The following DST variants were observed in gnomAD, a reference collection of about 807,000 sequenced individuals.
DST encodes bullous pemphigoid antigen.
DST carries 253 observed loss-of-function variants against 875.2 expected under a neutral mutation model. The ratio of observed to expected loss-of-function variants is 0.29; its 90% confidence interval spans 0.26 to 0.32. DST has a LOEUF of 0.32. DST is among the 10% of genes least tolerant of loss of function. The pLI, the probability that DST is intolerant of heterozygous loss-of-function variation, is 1.00. For missense variants in DST, 8,287 were observed against 9,111.6 expected (o/e 0.91, Z 3.68); for synonymous variants, 3,124 against 3,197.1 (o/e 0.98, Z 0.77).
Position 56,625,224 on chromosome 6 carries a change from T to C in DST, c.4763A>G (p.Asp1588Gly). 6.2e-7 allele frequency: 1 copy of C among 1,613,538 alleles called. No homozygotes were observed. The highest frequency in any genetic ancestry group is 8.5e-7 in the Non-Finnish European group (1 of 1,179,538). The change falls in exon 35 of 104, where the codon GAT becomes GGT. Residue 1588 changes from aspartate (D) to glycine (G), a missense_variant. Physicochemically the swap from Asp to Gly is moderately conservative, Grantham distance 94 (BLOSUM62 -1). This residue lies in a region of DST where 3,138 missense variants were observed against 3,116.6 expected (regional missense o/e 1.01). Transcript: ENST00000680361. ...LQTMTYRAMV[D>G]SQQKSPVKRR... ...TTTCACTGGAGATTTTTGTTGTGAATCTACCATGGCCCGGTAGGTCATTGT... is the reference window on the plus strand; with the variant it reads ...TTTCACTGGAGATTTTTGTTGTGAACCTACCATGGCCCGGTAGGTCATTGT...
In DST at chr6:56,925,919, G is replaced by A. The variant is rs185171476; in HGVS notation, c.217-25298C>T. Among the ~76,000 whole-genome samples the A allele has an allele frequency of 4.2e-3, 634 of 152,120 alleles. 3 individuals carry two copies. Among genetic ancestry groups the A allele is most frequent in the African/African-American group, 0.014 (580 of 41,502 alleles). On this transcript the variant is annotated intron_variant, in intron 2 of 103. Coordinates refer to ENST00000680361, the MANE Select transcript of DST (RefSeq NM_001374736.1). ...CAGGAAAAATAAACCAAAATTTCCCGATCCAAAAGCTAAATTACTATAAAG... is the reference window on the plus strand; with the variant it reads ...CAGGAAAAATAAACCAAAATTTCCCAATCCAAAAGCTAAATTACTATAAAG...
intron 3 of DST, among the ~76,000 whole-genome samples, chr6:56,879,538 T>C (rs1781100868): frequency 6.6e-6 from 1 of 152,218 alleles, no homozygotes. Context: ...TAATTATAGT[T>C]ATTATCTATT....
intron 3 of DST, among the ~76,000 whole-genome samples, chr6:56,872,352 A>T (rs895246682): frequency 3.3e-5 from 5 of 152,202 alleles, no homozygotes; most frequent in Non-Finnish European, 7.3e-5. Context: ...AAGTAACTAA[A>T]ATTTTAAAAT....
In DST at chr6:56,584,600, A is replaced by G. The variant is rs961096709; in HGVS notation, c.12904-5663T>C. 4.6e-5 allele frequency among the ~76,000 whole-genome samples: 7 copies of G among 151,268 alleles called. 1 individual carries two copies. The highest frequency in any genetic ancestry group is 1.9e-4 in the East Asian group (1 of 5,174). ...TACCCTTTATTTCCTTCTCCTGCCT[A>G]ATTGCCCTGGCCAGAACTTCCAACA... On this transcript the variant is annotated intron_variant, in intron 49 of 103. Transcript: ENST00000680361.
At chr6:56,667,364 T>C (rs999582571) in intron 10 of DST, among the ~76,000 whole-genome samples, 2 of 152,366 alleles carry the variant, frequency 1.3e-5, no homozygotes, top group East Asian at 1.9e-4. Flanking sequence ...CTCTCTTCAT[T>C]TAATTTTTTC....
At chr6:56,689,242 G>C (rs1053767387) in intron 9 of DST, among the ~76,000 whole-genome samples, 3 of 152,066 alleles carry the variant, frequency 2.0e-5, no homozygotes, top group African/African-American at 7.2e-5. Context: ...ATCTAGTACA[G>C]TATCCTCCTT....
At chr6:56,709,648 T>C (rs1204186847) in intron 5 of DST, among the ~76,000 whole-genome samples, 1 of 152,244 alleles carries the variant, frequency 6.6e-6, no homozygotes, top group African/African-American at 2.4e-5. Flanking sequence ...TTATTGAGCA[T>C]TCATCCGTCA....
intron 2 of DST, among the ~76,000 whole-genome samples, chr6:56,934,752 C>T (rs1417761376): frequency 6.6e-6 from 1 of 150,468 alleles, no homozygotes; most frequent in African/African-American, 2.4e-5. Flanking sequence ...TCTAGGCTGA[C>T]CCTTCCAATA....
chr6:56,645,966 G>A lies in DST; in HGVS notation c.1678C>T (p.Leu560Phe). Residue 560 changes from leucine to phenylalanine, a missense_variant, in exon 15 of 104, where the codon CTC becomes TTC. Transcript: ENST00000680361. ...EIWIEFGRIK[L>F]LQGYHPNDIE... ...TCATTTGGATGATAACCTTGAAGGA[G>A]CTTGATGCGTCCAAATTCTATCCAA... 6.2e-7 allele frequency: 1 copy of A among 1,613,308 alleles called. No homozygotes were observed. The highest frequency in any genetic ancestry group is 8.5e-7 in the Non-Finnish European group (1 of 1,179,664).
intron 4 of DST, among the ~76,000 whole-genome samples, chr6:56,797,630 C>T (rs1450896692): frequency 6.6e-6 from 1 of 151,974 alleles, no homozygotes; most frequent in East Asian, 1.9e-4. Flanking sequence ...GGTCAGGAGG[C>T]CAACATGGCA....
At chr6:56,638,496 C>A (rs1230317918) in intron 22 of DST, among the ~76,000 whole-genome samples, 1 of 152,124 alleles carries the variant, frequency 6.6e-6, no homozygotes, top group East Asian at 1.9e-4. Flanking sequence ...AGCATGACAA[C>A]TTTCAGGACC....
At chr6:56,496,313 T>C (rs1277962291) in intron 82 of DST, among the ~76,000 whole-genome samples, 2 of 152,164 alleles carry the variant, frequency 1.3e-5, no homozygotes, top group African/African-American at 2.4e-5. Context: ...TTTCCTCATC[T>C]TTCTTAGGAG....
intron 50 of DST, among the ~76,000 whole-genome samples, chr6:56,577,808 A>G (rs1397110245): frequency 6.6e-6 from 1 of 152,224 alleles, no homozygotes; most frequent in Non-Finnish European, 1.5e-5. Flanking sequence ...CATATGTAAG[A>G]TAGTAAAAAA....
intron 89 of DST, 45 bp from the exon 90 acceptor site, chr6:56,482,223 A>G (rs1332355371): frequency 6.3e-7 from 1 of 1,585,294 alleles, no homozygotes; most frequent in Non-Finnish European, 8.6e-7. Flanking sequence ...ATTCCCAAAT[A>G]TGCCTGTTAG....
intron 85 of DST, among the ~76,000 whole-genome samples, chr6:56,491,473 T>C (rs779779744): frequency 5.9e-5 from 9 of 152,264 alleles, no homozygotes; most frequent in Admixed American, 1.3e-4. Flanking sequence ...CTCTCTTCCA[T>C]GGAGTACAAA....
At chr6:56,813,759 G>T (rs1471824951) in intron 4 of DST, among the ~76,000 whole-genome samples, 3 of 152,118 alleles carry the variant, frequency 2.0e-5, no homozygotes, top group African/African-American at 7.2e-5. Context: ...TGGTGTTTTT[G>T]TGGTTGCTCC....
In DST at chr6:56,832,393, C is replaced by T. The variant is rs567786265; in HGVS notation, c.625+19004G>A. Among the ~76,000 whole-genome samples the T allele has an allele frequency of 2.6e-5, 4 of 152,176 alleles. No individual in the cohort carries two copies. In the South Asian group the frequency reaches 8.3e-4, roughly 32 times the overall value. On this transcript the variant is annotated intron_variant, in intron 4 of 103. Coordinates refer to ENST00000680361, the MANE Select transcript of DST (RefSeq NM_001374736.1). ...TGATGGTTTTAAAAACAGGAGTTCC[C>T]CTGCACAAGTTCTTTCTCTTTGTCT...
Position 56,594,127 on chromosome 6 carries a change from A to T in DST, c.12262T>A (p.Leu4088Met), listed in dbSNP as rs2098331854. The change falls in exon 48 of 104, where the codon TTG becomes ATG. Residue 4088 changes from leucine to methionine, a missense_variant. Leu to Met is a conservative substitution (Grantham distance 15). This residue lies in a region of DST where 1,513 missense variants were observed against 1,677.8 expected (regional missense o/e 0.90). Coordinates refer to ENST00000680361, the MANE Select transcript of DST (RefSeq NM_001374736.1). ...VIIATQSAQV[L>M]LEKQGQYLSP... Reference sequence around the variant, plus strand: ...AGATACTGACCCTGTTTCTCAAGCAACACTTGTGCAGACTGAGTGGCTATG... The same window carrying T: ...AGATACTGACCCTGTTTCTCAAGCATCACTTGTGCAGACTGAGTGGCTATG... The T allele has an allele frequency of 1.9e-6, 3 of 1,598,872 alleles. No homozygotes were observed. Among genetic ancestry groups the T allele is most frequent in the Non-Finnish European group, 2.6e-6 (3 of 1,174,398 alleles).
At chr6:56,517,925 T>C (rs1280691783) in intron 69 of DST, among the ~76,000 whole-genome samples, 1 of 152,144 alleles carries the variant, frequency 6.6e-6, no homozygotes, top group Non-Finnish European at 1.5e-5. Flanking sequence ...AGGAGTACTG[T>C]CCAAATCTAA....
Sources: allele counts gnomAD v4.1 joint callset (sites outside exome capture counted in the v4.1 genomes callset), GRCh38; gene constraint gnomAD v4.1.1; regional missense constraint gnomAD v4.1.1; transcripts MANE v1.5; gene names NCBI Gene and HGNC (gene_info 2026-07-23, HGNC 2026-07-21).